Variants in DYSF observed in about 807,000 individuals in gnomAD.
DYSF encodes the protein dystrophy-associated fer-1-like 1.
Under a neutral mutation model 274.9 loss-of-function variants are expected in DYSF, and 212 were observed. That is an observed-to-expected ratio of 0.77 (90% confidence interval 0.69 to 0.86). The LOEUF is 0.86. Ranked by LOEUF, DYSF falls within the 40% of genes least tolerant of loss-of-function variation. The pLI is 0.00. For missense variants in DYSF, 2,666 were observed against 2,783.2 expected (o/e 0.96, Z 0.95); for synonymous variants, 1,091 against 1,078.7 (o/e 1.01, Z -0.22).
intron 12 of DYSF, 61 bp from the exon 13 acceptor site, chr2:71,526,159 A>G: frequency 3.1e-6 from 5 of 1,613,916 alleles, no homozygotes; most frequent in South Asian, 1.1e-5. Context: ...CTCTTAGAAA[A>G]GGAAAGTAAA....
At chr2:71,623,326 TC>T (rs2094144906) in intron 41 of DYSF, among the ~76,000 whole-genome samples, 1 of 72,680 alleles carries the variant, frequency 1.4e-5, no homozygotes, top group Non-Finnish European at 2.5e-5. Flanking sequence ...CCCTCCCCCC[TC>T]CCCCCACCCC....
intron 40 of DYSF, among the ~76,000 whole-genome samples, chr2:71,616,776 C>T (rs184690829): frequency 6.6e-6 from 1 of 152,240 alleles, no homozygotes; most frequent in Non-Finnish European, 1.5e-5. Flanking sequence ...TCCATCCAAA[C>T]ACACAATTTG....
rs917140820 is a variant in DYSF, at chr2:71,493,391, C to T, written c.240-9823C>T. Reference sequence around the variant, plus strand: ...AGTCTTTGTCTTTCATGACAATTTACAGTTTTGAATAATATAGTATCCCTT... The same window carrying T: ...AGTCTTTGTCTTTCATGACAATTTATAGTTTTGAATAATATAGTATCCCTT... On this transcript the variant is annotated intron_variant, in intron 3 of 55. Coordinates refer to ENST00000410020, the MANE Select transcript of DYSF (RefSeq NM_001130987.2). 2.6e-5 allele frequency among the ~76,000 whole-genome samples: 4 copies of T among 152,112 alleles called. No homozygotes were observed. The East Asian group carries it at 7.7e-4, about 29-fold the overall frequency.
At chr2:71,602,708 G>A (rs2093574615) in intron 35 of DYSF, 68 bp from the exon 36 acceptor site, 4 of 1,565,788 alleles carry the variant, frequency 2.6e-6, no homozygotes, top group Non-Finnish European at 3.5e-6. Context: ...TACTAATAGA[G>A]AACTTTTTCC....
chr2:71,627,393 A>G (rs2094226060), intron 41 of DYSF, among the ~76,000 whole-genome samples: 1 of 152,026 alleles, frequency 6.6e-6, no homozygotes, highest in Admixed American at 6.5e-5. Context: ...ATTTTAAATT[A>G]TCTTTTGTTA....
chr2:71,570,848 A>G (rs1559186966), intron 29 of DYSF, 107 bp downstream of exon 29: 1 of 1,487,850 alleles, frequency 6.7e-7, no homozygotes, highest in Admixed American at 1.9e-5. Context: ...TGCACACAGC[A>G]TGCACAGACA....
At chr2:71,566,077 C>G (rs769349480) in intron 24 of DYSF, among the ~76,000 whole-genome samples, 1 of 152,174 alleles carries the variant, frequency 6.6e-6, no homozygotes, top group Non-Finnish European at 1.5e-5. Flanking sequence ...CCATTAGATT[C>G]TAACCTCCTG....
chr2:71,480,383 C>CAT lies in DYSF; in HGVS notation c.92-500_92-499insAT, dbSNP rs397786818. On this transcript the variant is annotated intron_variant, in intron 1 of 55. Coordinates refer to ENST00000410020, the MANE Select transcript of DYSF (RefSeq NM_001130987.2). The stretch of plus-strand genomic sequence containing the variant: ...GCCCCCGTCTACACACACACACACA[C>CAT]GCACACACACACACATACACACCAG... 2.6e-5 allele frequency among the ~76,000 whole-genome samples: 4 copies of CAT among 151,148 alleles called. No homozygotes were observed. The East Asian group carries it at 5.9e-4, about 22-fold the overall frequency.
At chr2:71,533,177 T>C (rs1006345893) in intron 14 of DYSF, among the ~76,000 whole-genome samples, 2 of 152,152 alleles carry the variant, frequency 1.3e-5, no homozygotes, top group African/African-American at 4.8e-5. Context: ...GTGACACCAC[T>C]TCCAGCTAAC....
At position 71,571,550 on chromosome 2, in the gene DYSF, G is replaced by C. The variant is rs1380461012; in HGVS notation, c.3228+809G>C. Among the ~76,000 whole-genome samples, 3 of 104,874 alleles carry C rather than the reference G, an allele frequency of 2.9e-5. 1 individual carries two copies. Among genetic ancestry groups the C allele is most frequent in the African/African-American group, 7.7e-5 (2 of 25,910 alleles). 68.8% of individuals were successfully genotyped at this position (104,874 alleles called of 152,430 possible). ...ACCCAGCACACACACATCACACCCAGCACACGCACAGATCACACCCACCAC... is the reference window on the plus strand; with the variant it reads ...ACCCAGCACACACACATCACACCCACCACACGCACAGATCACACCCACCAC... On this transcript the variant is annotated intron_variant, in intron 29 of 55. Coordinates refer to ENST00000410020, the MANE Select transcript of DYSF (RefSeq NM_001130987.2).
At chr2:71,580,595 C>T (rs935002946) in intron 30 of DYSF, among the ~76,000 whole-genome samples, 2 of 152,192 alleles carry the variant, frequency 1.3e-5, no homozygotes, top group African/African-American at 4.8e-5. Flanking sequence ...CATTAGGAAA[C>T]AAGACCTATG....
chr2:71,654,003 AT>A (rs2094720317), intron 42 of DYSF, among the ~76,000 whole-genome samples: 1 of 152,196 alleles, frequency 6.6e-6, no homozygotes, highest in Non-Finnish European at 1.5e-5. Flanking sequence ...TGGGACAAAC[AT>A]TTGATAGACC....
intron 29 of DYSF, 162 bp downstream of exon 29, chr2:71,570,903 C>G (rs1378285436): frequency 7.0e-6 from 7 of 1,001,542 alleles, no homozygotes; most frequent in Admixed American, 4.6e-5. Flanking sequence ...CCAGCATACC[C>G]AAAGATCACA....
chr2:71,585,851 GA>G (rs1308567346), intron 30 of DYSF, among the ~76,000 whole-genome samples: 4 of 152,152 alleles, frequency 2.6e-5, no homozygotes, highest in Non-Finnish European at 5.9e-5. Flanking sequence ...AGTGGCTGGG[GA>G]AATTCAGGGC....
intron 12 of DYSF, among the ~76,000 whole-genome samples, chr2:71,521,930 G>A (rs2087317661): frequency 6.6e-6 from 1 of 152,102 alleles, no homozygotes; most frequent in South Asian, 2.1e-4. Flanking sequence ...GAGCTGCACA[G>A]CGATGAGTGG....
In DYSF at chr2:71,600,739, C is replaced by T. The variant is rs539141161; in HGVS notation, c.3794C>T (p.Pro1265Leu). The T allele has an allele frequency of 1.9e-5, 30 of 1,614,110 alleles. No homozygotes were observed. Among genetic ancestry groups the T allele is most frequent in the Admixed American group, 6.7e-5 (4 of 60,030 alleles). The change falls in exon 34 of 56, where the codon CCG becomes CTG. Residue 1265 changes from proline (P) to leucine (L), a missense_variant. Transcript: ENST00000410020. ...TTTATGGGTCGCTGCATCTGTCAACCGAGTCTGGAACGGATGCCACGGCTG... is the reference window on the plus strand; with the variant it reads ...TTTATGGGTCGCTGCATCTGTCAACTGAGTCTGGAACGGATGCCACGGCTG... ...DEFMGRCICQ[P>L]SLERMPRLAW...
At chr2:71,512,440 T>C (rs540784449) in intron 5 of DYSF, among the ~76,000 whole-genome samples, 10 of 152,336 alleles carry the variant, frequency 6.6e-5, no homozygotes, top group Non-Finnish European at 1.3e-4. Flanking sequence ...TGTGTGACTT[T>C]GGGCTGATTA....
chr2:71,674,138 A>T (rs985643358), intron 51 of DYSF, 59 bp from the exon 52 acceptor site: 2 of 1,514,644 alleles, frequency 1.3e-6, no homozygotes, highest in African/African-American at 2.7e-5. Context: ...CTGGAAGGGA[A>T]CACTGCCTCT....
intron 45 of DYSF, among the ~76,000 whole-genome samples, chr2:71,662,936 ATG>A (rs200134177): frequency 0.028 from 817 of 28,988 alleles, 10 homozygotes; most frequent in Middle Eastern, 0.12. Flanking sequence ...ACGTATGTGC[ATG>A]TGTGTGTGTG....
Sources: gnomAD v4.1 joint callset for allele counts (sites outside exome capture counted in the v4.1 genomes callset) on GRCh38, gnomAD v4.1.1 for gene constraint, MANE v1.5 for transcripts, NCBI Gene and HGNC (gene_info 2026-07-23, HGNC 2026-07-21) for gene names.